LHCGR: variants seen among roughly 807,000 people sequenced by gnomAD.
LHCGR encodes lutropin-choriogonadotropic hormone receptor.
LHCGR carries 55 observed loss-of-function variants against 60.7 expected under a neutral mutation model. The ratio of observed to expected loss-of-function variants is 0.91; its 90% CI spans 0.73 to 1.13. The LOEUF is 1.13. Among genes scored for constraint, LHCGR ranks in the 50% most tolerant of loss-of-function variants. The probability of loss-of-function intolerance (pLI) is 0.00; values close to 1 mark genes in which losing one functional copy is unlikely to be tolerated. For missense variants in LHCGR, 862 were observed against 836.0 expected (o/e 1.03, Z -0.38); for synonymous variants, 337 against 316.5 (o/e 1.06, Z -0.69).
In LHCGR at chr2:48,717,498, T is replaced by G. The variant is rs551839947; in HGVS notation, c.537-3444A>C. The stretch of plus-strand genomic sequence containing the variant: ...GAAAATGTAAATATATGTTAAACAT[T>G]TATAAGTAGGTTCTGGAATACAATA... On this transcript the variant is annotated intron_variant, in intron 6 of 10. Coordinates refer to ENST00000294954, the MANE Select transcript of LHCGR (RefSeq NM_000233.4). 1.8e-4 allele frequency among the ~76,000 whole-genome samples: 27 copies of G among 152,262 alleles called. 1 individual carries two copies. In the South Asian group the frequency reaches 4.8e-3, roughly 27 times the overall value.
Position 48,707,490 on chromosome 2 carries a change from C to T in LHCGR, c.680+1458G>A, listed in dbSNP as rs544627775. ...ACGTTTAAGTCTGCAGAAGTTGTGC[C>T]CACAGCTGCCCCTTCCCCTAGGTGC... On this transcript the variant is annotated intron_variant, in intron 8 of 10. Transcript: ENST00000294954. 1.6e-4 allele frequency among the ~76,000 whole-genome samples: 24 copies of T among 152,336 alleles called. No individual in the cohort carries two copies. The East Asian group carries it at 4.6e-3, about 29-fold the overall frequency.
intron 1 of LHCGR, among the ~76,000 whole-genome samples, chr2:48,735,459 T>C (rs1669170790): frequency 6.6e-6 from 1 of 152,182 alleles, no homozygotes; most frequent in Admixed American, 6.5e-5. Flanking sequence ...CATCTAGGAG[T>C]AGGGCTTCTC....
At position 48,749,831 on chromosome 2, in the gene LHCGR, C is replaced by T. The variant is rs146813349; in HGVS notation, c.161+5680G>A. ...TGTGAACCTTTTGGCTCTACACTTGCGTTGAGATTTTGGGAACTCTGTTGC... is the reference window on the plus strand; with the variant it reads ...TGTGAACCTTTTGGCTCTACACTTGTGTTGAGATTTTGGGAACTCTGTTGC... On this transcript the variant is annotated intron_variant, in intron 1 of 10. Coordinates refer to ENST00000294954, the MANE Select transcript of LHCGR (RefSeq NM_000233.4). Among the ~76,000 whole-genome samples, 861 of 152,002 alleles carry T rather than the reference C, an allele frequency of 5.7e-3. 11 individuals are homozygous for T. The highest frequency in any genetic ancestry group is 0.02 in the African/African-American group (810 of 41,472).
chr2:48,722,461 G>A (rs1668541627), intron 6 of LHCGR, among the ~76,000 whole-genome samples: 1 of 152,174 alleles, frequency 6.6e-6, no homozygotes, highest in Admixed American at 6.5e-5. Context: ...GTTGGAGGTG[G>A]GGCCTGGTGG....
At chr2:48,701,217 G>A (rs934430625) in intron 8 of LHCGR, among the ~76,000 whole-genome samples, 8 of 151,992 alleles carry the variant, frequency 5.3e-5, no homozygotes, top group Non-Finnish European at 1.0e-4. Context: ...TGATCTTGGC[G>A]GGATCTACAG....
At chr2:48,719,171 A>G (rs543263563) in intron 6 of LHCGR, among the ~76,000 whole-genome samples, 180 of 150,902 alleles carry the variant, frequency 1.2e-3, no homozygotes, top group African/African-American at 4.1e-3. Flanking sequence ...AAATACAAAA[A>G]ATTAGCCGGG....
At chr2:48,714,324 C>T (rs2104432400) in intron 6 of LHCGR, among the ~76,000 whole-genome samples, 1 of 152,204 alleles carries the variant, frequency 6.6e-6, no homozygotes, top group East Asian at 1.9e-4. Context: ...GGTTATGTAG[C>T]TTGCTTAATG....
chr2:48,710,906 T>C (rs896419781), intron 7 of LHCGR, among the ~76,000 whole-genome samples: 2 of 152,202 alleles, frequency 1.3e-5, no homozygotes, highest in African/African-American at 4.8e-5. Context: ...CCCTGCTACT[T>C]AAACTCTTTA....
At chr2:48,724,851 C>A (rs537866406) in intron 4 of LHCGR, among the ~76,000 whole-genome samples, 1 of 152,214 alleles carries the variant, frequency 6.6e-6, no homozygotes, top group African/African-American at 2.4e-5. Context: ...ATAGAAGGCC[C>A]CAGAGCAAGA....
At chr2:48,709,116 T>C (rs985327039) in intron 7 of LHCGR, 94 bp from the exon 8 acceptor site, 1 of 946,872 alleles carries the variant, frequency 1.1e-6, no homozygotes, top group African/African-American at 1.6e-5. Flanking sequence ...GCTATGTGCA[T>C]GATGTATAGG....
chr2:48,719,371 G>A (rs149154351), intron 6 of LHCGR, among the ~76,000 whole-genome samples: 8 of 152,172 alleles, frequency 5.3e-5, no homozygotes, highest in Non-Finnish European at 1.0e-4. Flanking sequence ...TCTCTACTGT[G>A]GCTTGTCATG....
Position 48,688,971 on chromosome 2 carries a change from A to G in LHCGR, c.948-122T>C, listed in dbSNP as rs1680055408. 1.2e-6 allele frequency: 1 copy of G among 853,516 alleles called. No individual in the cohort carries two copies. Among genetic ancestry groups the G allele is most frequent in the Non-Finnish European group, 1.9e-6 (1 of 540,034 alleles). 52.9% of individuals were successfully genotyped at this position (853,516 alleles called of 1,614,324 possible). ...ACAAAGCCATAATAGCCTCAGCCTT[A>G]CATTTATTTGTTAAATTATTTGAGA... On this transcript the variant is annotated intron_variant, in intron 10 of 10. Transcript: ENST00000294954. The surrounding 1 kb of genome is among the most constrained non-coding windows in gnomAD (Gnocchi z 5.2).
intron 1 of LHCGR, among the ~76,000 whole-genome samples, chr2:48,752,575 T>G (rs1300152198): frequency 2.6e-5 from 4 of 152,098 alleles, no homozygotes; most frequent in African/African-American, 9.7e-5. Context: ...CATAGCAGTT[T>G]TCTGTCTCAT....
intron 1 of LHCGR, among the ~76,000 whole-genome samples, chr2:48,752,026 G>C (rs1226168493): frequency 6.6e-6 from 1 of 152,042 alleles, no homozygotes; most frequent in African/African-American, 2.4e-5. Flanking sequence ...CCTCTTTCCA[G>C]TTGCCTAGAA....
chr2:48,697,859 A>G (rs529096104), intron 9 of LHCGR, among the ~76,000 whole-genome samples: 1 of 152,368 alleles, frequency 6.6e-6, no homozygotes, highest in East Asian at 1.9e-4. Flanking sequence ...AGAGTAAAAT[A>G]AGAAAATATC....
At chr2:48,694,448 G>A in intron 9 of LHCGR, 144 bp from the exon 10 acceptor site, 2 of 659,560 alleles carry the variant, frequency 3.0e-6, no homozygotes, top group Non-Finnish European at 2.8e-6. Context: ...TAACTGAAAT[G>A]CTTCCTGAGG....
At chr2:48,708,441 G>A (rs1467787746) in intron 8 of LHCGR, among the ~76,000 whole-genome samples, 1 of 152,124 alleles carries the variant, frequency 6.6e-6, no homozygotes, top group East Asian at 1.9e-4. Context: ...CTTATTTAGA[G>A]ATAGGGTCTT....
At chr2:48,713,116 G>T (rs2104429305) in intron 7 of LHCGR, among the ~76,000 whole-genome samples, 1 of 152,248 alleles carries the variant, frequency 6.6e-6, no homozygotes, top group African/African-American at 2.4e-5. Flanking sequence ...CAAGTTTCTG[G>T]GGGTAGGGCC....
At position 48,723,502 on chromosome 2, in the gene LHCGR, T is replaced by C. The variant is rs779426719; in HGVS notation, c.490A>G (p.Ile164Val). 1.6e-5 allele frequency: 26 copies of C among 1,612,714 alleles called. No homozygotes were observed. The Admixed American group carries it at 4.2e-4, about 26-fold the overall frequency. The part of the protein sequence containing the change: ...EICDNLHITT[I>V]PGNAFQGMNN... ...ATCCCTTGAAAAGCATTTCCTGGTA[T>C]GGTGGTTATGTGTAAGTTATCACAA... Residue 164 changes from isoleucine to valine, a missense_variant, in exon 6 of 11, where the codon ATA becomes GTA. By Grantham distance (29) the Ile-to-Val change is conservative (BLOSUM62 3). Transcript: ENST00000294954.
Sources: allele counts gnomAD v4.1 joint callset (sites outside exome capture counted in the v4.1 genomes callset), GRCh38; gene constraint gnomAD v4.1.1; non-coding constraint Gnocchi (gnomAD v3.1); transcripts MANE v1.5; gene names NCBI Gene and HGNC (gene_info 2026-07-23, HGNC 2026-07-21).